The following OSBPL6 variants were observed in gnomAD, a reference collection of about 807,000 sequenced individuals.
OSBPL6 encodes oxysterol-binding protein-related protein 6.
Under a neutral mutation model 125.8 loss-of-function variants are expected in OSBPL6, and 49 were observed. The observed-to-expected ratio is 0.39, with a 90% confidence interval of 0.31 to 0.49. The LOEUF is 0.49. OSBPL6 is among the 20% of genes least tolerant of loss of function. The pLI is 0.88. For missense variants in OSBPL6, 986 were observed against 1,135.4 expected, an observed-to-expected ratio of 0.87 and a Z score of 1.89; for synonymous variants, 394 against 391.8, an observed-to-expected ratio of 1.01 and a Z score of -0.07.
chr2:178,314,569 AT>A (rs1006512042), intron 3 of OSBPL6, among the ~76,000 whole-genome samples: 3 of 152,200 alleles, frequency 2.0e-5, no homozygotes, highest in Non-Finnish European at 2.9e-5. Flanking sequence ...AGAAAATAAT[AT>A]TTGTTTGCAA....
rs200521968 is a variant in OSBPL6, at chr2:178,304,948, C to CAT, written c.-155-1077_-155-1076dup. Among the ~76,000 whole-genome samples the CAT allele has an allele frequency of 7.5e-3, 1,137 of 152,266 alleles. 13 individuals are homozygous for CAT. Among genetic ancestry groups the CAT allele is most frequent in the African/African-American group, 0.026 (1,075 of 41,542 alleles). On this transcript the variant is annotated intron_variant, in intron 2 of 24. Coordinates refer to ENST00000190611, the MANE Select transcript of OSBPL6 (RefSeq NM_032523.4). ...CCTCAGTCACTGTCTTCATAATGCC[C>CAT]ATATATCTCCATCTTTTTTTGTTTA...
At chr2:178,244,463 C>A (rs147740248) in intron 1 of OSBPL6, among the ~76,000 whole-genome samples, 1 of 152,098 alleles carries the variant, frequency 6.6e-6, no homozygotes, top group African/African-American at 2.4e-5. Flanking sequence ...AACACCATAC[C>A]CCCAGTTCTT....
At chr2:178,288,318 A>AC (rs776786537) in intron 2 of OSBPL6, among the ~76,000 whole-genome samples, 3 of 152,110 alleles carry the variant, frequency 2.0e-5, no homozygotes, top group Non-Finnish European at 2.9e-5. Flanking sequence ...AAGGAGTGAG[A>AC]CCCCAAAACT....
chr2:178,328,844 T>G (rs540049680), intron 5 of OSBPL6, among the ~76,000 whole-genome samples: 23 of 152,258 alleles, frequency 1.5e-4, no homozygotes, highest in Non-Finnish European at 2.9e-4. Flanking sequence ...CTATTATAGT[T>G]AACAGAGACT....
intron 11 of OSBPL6, among the ~76,000 whole-genome samples, chr2:178,345,309 T>C (rs890573750): frequency 2.0e-5 from 3 of 152,208 alleles, no homozygotes; most frequent in Admixed American, 2.0e-4. Context: ...TGAAAAAATA[T>C]GAAAAAGTTT....
At chr2:178,349,423 C>T (rs1691030745) in intron 12 of OSBPL6, 34 bp downstream of exon 12, 1 of 1,589,174 alleles carries the variant, frequency 6.3e-7, no homozygotes, top group African/African-American at 1.3e-5. Flanking sequence ...TTTAAAGAAG[C>T]TCTCTTCTTT....
intron 1 of OSBPL6, among the ~76,000 whole-genome samples, chr2:178,251,582 A>G (rs192137560): frequency 1.3e-5 from 2 of 152,228 alleles, no homozygotes; most frequent in East Asian, 3.9e-4. Context: ...CATTCTGGCA[A>G]TCTAATCTCT....
chr2:178,316,794 G>A (rs1559236836), intron 3 of OSBPL6, among the ~76,000 whole-genome samples: 1 of 152,106 alleles, frequency 6.6e-6, no homozygotes, highest in African/African-American at 2.4e-5. Context: ...CAAATACTAT[G>A]GCATTATGTA....
chr2:178,266,820 TTGTGGGGTCCAAG>T (rs751145358), intron 1 of OSBPL6, among the ~76,000 whole-genome samples: 7 of 152,228 alleles, frequency 4.6e-5, no homozygotes, highest in Non-Finnish European at 1.0e-4. Flanking sequence ...CCACATTCCA[TTGTGGGGTCCAAG>T]CTTTTTCCTG....
chr2:178,338,284 T>A (rs1357208723), intron 9 of OSBPL6, among the ~76,000 whole-genome samples: 1 of 152,082 alleles, frequency 6.6e-6, no homozygotes, highest in African/African-American at 2.4e-5. Context: ...GTTTTTTTTT[T>A]AAAGAGTGAT....
chr2:178,298,432 TG>T (rs1685955171), intron 2 of OSBPL6, among the ~76,000 whole-genome samples: 1 of 152,206 alleles, frequency 6.6e-6, no homozygotes, highest in Non-Finnish European at 1.5e-5. Context: ...TTTAGTTTTT[TG>T]TTTGTTTGAG....
rs149475813 is a variant in OSBPL6, at chr2:178,217,641, A to G, written c.-351+22967A>G. Among the ~76,000 whole-genome samples, 123 of 152,348 alleles carry G rather than the reference A, an allele frequency of 8.1e-4. 1 individual carries two copies. In the East Asian group the frequency reaches 0.022, roughly 28 times the overall value. On this transcript the variant is annotated intron_variant, in intron 1 of 24. Transcript: ENST00000190611. ...TGAGGAGGTGGTGTCTGGTTTACATAGGGCTCACAGATTGGTTCCATCAGG... is the reference window on the plus strand; with the variant it reads ...TGAGGAGGTGGTGTCTGGTTTACATGGGGCTCACAGATTGGTTCCATCAGG...
chr2:178,325,843 T>C (rs1267778786), intron 4 of OSBPL6, among the ~76,000 whole-genome samples: 1 of 152,204 alleles, frequency 6.6e-6, no homozygotes, highest in African/African-American at 2.4e-5. Context: ...TCACAGCAGA[T>C]GGGGCTTGGG....
intron 3 of OSBPL6, 27 bp from the exon 4 acceptor site, chr2:178,324,150 C>T: frequency 1.4e-6 from 2 of 1,421,358 alleles, no homozygotes; most frequent in Middle Eastern, 1.8e-4. Flanking sequence ...TTGTCTAACC[C>T]TGGGCTATGT....
At chr2:178,382,191 C>T (rs1032923260) in intron 15 of OSBPL6, among the ~76,000 whole-genome samples, 2 of 152,182 alleles carry the variant, frequency 1.3e-5, no homozygotes, top group Non-Finnish European at 2.9e-5. Context: ...CTCCCCTGCC[C>T]TCCTGCCCCT....
intron 12 of OSBPL6, among the ~76,000 whole-genome samples, chr2:178,361,040 G>A (rs997757956): frequency 3.3e-5 from 5 of 152,158 alleles, no homozygotes; most frequent in African/African-American, 1.2e-4. Flanking sequence ...TAATTTGTTA[G>A]GTATGTAGGA....
rs562012711 is a variant in OSBPL6 at position 178,307,177 on chromosome 2, A to C, written c.102+891A>C. Among the ~76,000 whole-genome samples the C allele has an allele frequency of 1.1e-4, 17 of 152,126 alleles. No individual in the cohort carries two copies. In the East Asian group the frequency reaches 2.7e-3, roughly 24 times the overall value. Reference sequence around the variant, plus strand: ...ACCCCCTGTTTTATGTTTTCAGAGCATATTACCTAGATTCTAGGAGTGTGA... The same window carrying C: ...ACCCCCTGTTTTATGTTTTCAGAGCCTATTACCTAGATTCTAGGAGTGTGA... On this transcript the variant is annotated intron_variant, in intron 3 of 24. Coordinates refer to ENST00000190611, the MANE Select transcript of OSBPL6 (RefSeq NM_032523.4).
intron 2 of OSBPL6, among the ~76,000 whole-genome samples, chr2:178,291,653 G>A (rs940666469): frequency 7.1e-6 from 1 of 141,676 alleles, no homozygotes; most frequent in South Asian, 2.2e-4. Context: ...GAAAATATAG[G>A]AACAGGTAGT....
At chr2:178,281,731 T>C (rs1684197712) in intron 1 of OSBPL6, among the ~76,000 whole-genome samples, 1 of 137,442 alleles carries the variant, frequency 7.3e-6, no homozygotes, top group Admixed American at 8.8e-5. Context: ...TTCTCACTTA[T>C]AAGTGGGAGC....
Sources: allele counts gnomAD v4.1 joint callset (sites outside exome capture counted in the v4.1 genomes callset), GRCh38; gene constraint gnomAD v4.1.1; transcripts MANE v1.5; gene names NCBI Gene and HGNC (gene_info 2026-07-23, HGNC 2026-07-21).